Variants in VOPP1 observed in about 807,000 individuals in gnomAD.
VOPP1 encodes WW domain binding protein VOPP1.
A neutral mutation model predicts 23.5 loss-of-function variants in VOPP1; 8 were observed. The observed-to-expected ratio is 0.34, with a 90% confidence interval of 0.20 to 0.61. The LOEUF (loss-of-function observed/expected upper bound fraction) is 0.61, where lower values mean the gene tolerates loss of function less well. VOPP1 is among the 20% of genes least tolerant of loss of function. The pLI, the probability that VOPP1 is intolerant of heterozygous loss-of-function variation, is 0.78. For missense variants in VOPP1, 174 were observed against 238.1 expected, an observed-to-expected ratio of 0.73 and a Z score of 1.77; for synonymous variants, 83 against 97.3, an observed-to-expected ratio of 0.85 and a Z score of 0.86.
intron 4 of VOPP1, among the ~76,000 whole-genome samples, chr7:55,479,150 CT>C (rs56389484): frequency 0.41 from 59,332 of 145,460 alleles, 12,718 homozygotes; most frequent in Admixed American, 0.54. Context: ...AGAACATTTT[CT>C]TTTTTTTTTT....
At chr7:55,482,898 A>G (rs760652172) in intron 4 of VOPP1, among the ~76,000 whole-genome samples, 3 of 152,200 alleles carry the variant, frequency 2.0e-5, no homozygotes, top group Non-Finnish European at 4.4e-5. Flanking sequence ...GAGTGAAGAC[A>G]ACGGTTTTGC....
At chr7:55,516,738 A>G (rs1475122272) in intron 2 of VOPP1, among the ~76,000 whole-genome samples, 1 of 152,090 alleles carries the variant, frequency 6.6e-6, no homozygotes, top group African/African-American at 2.4e-5. Flanking sequence ...TGTTTGAAAT[A>G]TATTTTCTGC....
At chr7:55,482,269 CTT>C (rs1314223390) in intron 4 of VOPP1, among the ~76,000 whole-genome samples, 3 of 151,766 alleles carry the variant, frequency 2.0e-5, no homozygotes, top group Non-Finnish European at 4.4e-5. Flanking sequence ...TACATTTCCT[CTT>C]GAGGTACATA....
intron 1 of VOPP1, among the ~76,000 whole-genome samples, chr7:55,565,896 G>A (rs923098412): frequency 1.1e-4 from 16 of 152,158 alleles, no homozygotes. Flanking sequence ...GACCTGGAGG[G>A]GAACCAAAGG....
chr7:55,516,328 T>C (rs1039304994), intron 2 of VOPP1, among the ~76,000 whole-genome samples: 3 of 152,226 alleles, frequency 2.0e-5, no homozygotes, highest in African/African-American at 7.2e-5. Context: ...ATCTTGTTTA[T>C]ACATGTAATA....
intron 1 of VOPP1, among the ~76,000 whole-genome samples, chr7:55,535,576 T>C (rs1796738459): frequency 6.6e-6 from 1 of 152,236 alleles, no homozygotes. Context: ...GTCTATTCAC[T>C]TCCATCTGGA....
At chr7:55,501,817 T>C (rs1794389990) in intron 2 of VOPP1, among the ~76,000 whole-genome samples, 1 of 152,182 alleles carries the variant, frequency 6.6e-6, no homozygotes, top group Admixed American at 6.5e-5. Flanking sequence ...CATGATCCTC[T>C]GAGCTCCTGC....
At chr7:55,509,062 A>T (rs777606315) in intron 2 of VOPP1, among the ~76,000 whole-genome samples, 2 of 152,168 alleles carry the variant, frequency 1.3e-5, no homozygotes, top group African/African-American at 2.4e-5. Flanking sequence ...ATCAATTTTA[A>T]TTTTATAATA....
chr7:55,496,561 G>A (rs1270002967), intron 3 of VOPP1, among the ~76,000 whole-genome samples: 1 of 152,236 alleles, frequency 6.6e-6, no homozygotes, highest in Non-Finnish European at 1.5e-5. Flanking sequence ...AGGGAGGCCT[G>A]GCCAGCAGCT....
At chr7:55,464,372 T>C (rs949816290) in intron 4 of VOPP1, among the ~76,000 whole-genome samples, 17 of 152,240 alleles carry the variant, frequency 1.1e-4, no homozygotes, top group Admixed American at 5.2e-4. Flanking sequence ...GTGGTGGTGA[T>C]AGGTGCAGCA....
chr7:55,460,877 T>C (rs116853133), intron 4 of VOPP1, among the ~76,000 whole-genome samples: 1,829 of 152,304 alleles, frequency 0.012, 13 homozygotes, highest in Admixed American at 0.021. Context: ...TCTTTACAAG[T>C]GAAGTGAGTT....
intron 1 of VOPP1, among the ~76,000 whole-genome samples, chr7:55,535,262 C>T (rs982792736): frequency 1.3e-5 from 2 of 152,254 alleles, no homozygotes; most frequent in African/African-American, 2.4e-5. Context: ...TTTCTCTTTG[C>T]TTCCCCTTGA....
chr7:55,565,913 C>A (rs189175011), intron 1 of VOPP1, among the ~76,000 whole-genome samples: 1 of 152,172 alleles, frequency 6.6e-6, no homozygotes, highest in Non-Finnish European at 1.5e-5. Flanking sequence ...AAGGTTTCAG[C>A]ACAAACCACA....
At chr7:55,536,788 C>T (rs188843856) in intron 1 of VOPP1, among the ~76,000 whole-genome samples, 7 of 152,300 alleles carry the variant, frequency 4.6e-5, no homozygotes, top group East Asian at 3.9e-4. Context: ...CTGATCCTGG[C>T]TCAGGCAGCG....
chr7:55,552,556 G>A (rs1797653377), intron 1 of VOPP1: 5 of 1,524,074 alleles, frequency 3.3e-6, no homozygotes, highest in Non-Finnish European at 4.4e-6. Context: ...TTTTCCCAGG[G>A]TGACAAATGA....
chr7:55,480,518 T>A (rs1284631462), intron 4 of VOPP1, among the ~76,000 whole-genome samples: 1 of 152,250 alleles, frequency 6.6e-6, no homozygotes, highest in Non-Finnish European at 1.5e-5. Flanking sequence ...AACTGCTAAC[T>A]TAGATTTATA....
At chr7:55,557,682 C>A (rs1034472931) in intron 1 of VOPP1, among the ~76,000 whole-genome samples, 2 of 152,172 alleles carry the variant, frequency 1.3e-5, no homozygotes, top group Non-Finnish European at 2.9e-5. Flanking sequence ...CCAGCCACAA[C>A]AGAACAAAAC....
rs1794719661 is a variant in VOPP1 at position 55,506,335 on chromosome 7, T to C, written c.114-8645A>G. 2.0e-5 allele frequency among the ~76,000 whole-genome samples: 3 copies of C among 152,236 alleles called. No individual in the cohort carries two copies. In the South Asian group the frequency reaches 6.2e-4, roughly 32 times the overall value. The stretch of plus-strand genomic sequence containing the variant: ...ATAAGTCTATTACGCAAAAATGTAT[T>C]ACTCATCACCATTTTTTGAGATGGA... On this transcript the variant is annotated intron_variant, in intron 2 of 4. Transcript: ENST00000285279.
downstream of VOPP1, among the ~76,000 whole-genome samples, chr7:55,466,847 G>A (rs1791643649): frequency 2.6e-5 from 4 of 152,112 alleles, no homozygotes; most frequent in Admixed American, 2.6e-4. Flanking sequence ...ACTTAAAATT[G>A]GGTAGTGATG....
Sources: gnomAD v4.1 joint callset for allele counts (sites outside exome capture counted in the v4.1 genomes callset) on GRCh38, gnomAD v4.1.1 for gene constraint, MANE v1.5 for transcripts, NCBI Gene and HGNC (gene_info 2026-07-23, HGNC 2026-07-21) for gene names.